Variants in MIPOL1 observed in about 807,000 individuals in gnomAD.
MIPOL1 encodes the protein mirror-image polydactyly 1.
A neutral mutation model predicts 60.9 loss-of-function variants in MIPOL1; 57 were observed. The ratio of observed to expected loss-of-function variants is 0.94; its 90% CI spans 0.76 to 1.17. The LOEUF (loss-of-function observed/expected upper bound fraction) is 1.17, where lower values mean the gene tolerates loss of function less well. Among genes scored for constraint, MIPOL1 ranks in the 50% most tolerant of loss-of-function variants. The probability of loss-of-function intolerance (pLI) is 0.00; values close to 1 mark genes in which losing one functional copy is unlikely to be tolerated. For missense variants in MIPOL1, 551 were observed against 511.6 expected (o/e 1.08, Z -0.74); for synonymous variants, 179 against 168.8 (o/e 1.06, Z -0.47).
intron 1 of MIPOL1, among the ~76,000 whole-genome samples, chr14:37,219,128 A>T (rs1343841444): frequency 6.6e-6 from 1 of 152,116 alleles, no homozygotes; most frequent in African/African-American, 2.4e-5. Context: ...GAAAGTTACT[A>T]ACAGGAATCA....
At chr14:37,334,326 A>G (rs1257151124) in intron 9 of MIPOL1, among the ~76,000 whole-genome samples, 2 of 151,964 alleles carry the variant, frequency 1.3e-5, no homozygotes, top group East Asian at 1.9e-4. Context: ...TGAGACCTCG[A>G]CTGTTCAGAC....
At chr14:37,333,578 T>C (rs117893120) in intron 9 of MIPOL1, among the ~76,000 whole-genome samples, 2,289 of 152,150 alleles carry the variant, frequency 0.015, 26 homozygotes, top group Non-Finnish European at 0.022. Flanking sequence ...GAGCTATAAA[T>C]ATAAGAAAGT....
chr14:37,307,325 T>C (rs1473363179), intron 7 of MIPOL1, among the ~76,000 whole-genome samples: 8 of 152,128 alleles, frequency 5.3e-5, no homozygotes, highest in South Asian at 2.1e-4. Flanking sequence ...AATTATATTA[T>C]AGACATTTTG....
In MIPOL1 at chr14:37,430,453, A is replaced by G. The variant is rs543973977; in HGVS notation, c.1031+7504A>G. Among the ~76,000 whole-genome samples the G allele has an allele frequency of 8.6e-5, 13 of 151,806 alleles. No individual in the cohort carries two copies. In the South Asian group the frequency reaches 2.7e-3, roughly 31 times the overall value. On this transcript the variant is annotated intron_variant, in intron 11 of 12. Transcript: ENST00000684589. ...CTTCACTGTTCAAGTCACTATATAT[A>G]TATTTATTGGTGACTCTGGAATGTA...
chr14:37,432,986 G>A (rs2094100844), intron 11 of MIPOL1, among the ~76,000 whole-genome samples: 1 of 152,178 alleles, frequency 6.6e-6, no homozygotes, highest in Non-Finnish European at 1.5e-5. Context: ...AAACAATTGT[G>A]GGGCCTGGCA....
intron 9 of MIPOL1, among the ~76,000 whole-genome samples, chr14:37,346,571 C>T (rs1412243750): frequency 6.6e-6 from 1 of 152,082 alleles, no homozygotes; most frequent in East Asian, 1.9e-4. Flanking sequence ...CAAACATACA[C>T]ACACAGCCTT....
intron 9 of MIPOL1, among the ~76,000 whole-genome samples, chr14:37,342,786 G>A (rs1340423358): frequency 6.6e-6 from 1 of 152,012 alleles, no homozygotes; most frequent in Non-Finnish European, 1.5e-5. Flanking sequence ...TAATAGCACA[G>A]CTTACTAAAT....
chr14:37,374,222 A>G (rs576014275), intron 10 of MIPOL1, among the ~76,000 whole-genome samples: 9 of 151,950 alleles, frequency 5.9e-5, no homozygotes, highest in African/African-American at 2.2e-4. Flanking sequence ...CCACTTTTTG[A>G]TGGGGTTGTT....
Position 37,547,068 on chromosome 14 carries a change from A to G in MIPOL1, c.*97A>G. On this transcript the variant is annotated 3_prime_UTR_variant, in exon 13 of 13. Coordinates refer to ENST00000684589, the MANE Select transcript of MIPOL1 (RefSeq NM_001388067.1). ...ACACCAAAGCCTTAACTTAGCAAAC[A>G]GTTGTTAGAAGTGGGACACTCCAAC... 1.0e-6 allele frequency: 1 copy of G among 984,238 alleles called. No individual in the cohort carries two copies. The highest frequency in any genetic ancestry group is 1.6e-6 in the Non-Finnish European group (1 of 636,086). 61.0% of individuals were successfully genotyped at this position (984,238 alleles called of 1,614,324 possible).
At chr14:37,254,981 A>G (rs990531823) in intron 3 of MIPOL1, among the ~76,000 whole-genome samples, 8 of 151,872 alleles carry the variant, frequency 5.3e-5, no homozygotes, top group Non-Finnish European at 5.9e-5. Context: ...CATGAAAACA[A>G]GATTTTTTTC....
chr14:37,493,588 TG>T (rs2095076629), intron 11 of MIPOL1, among the ~76,000 whole-genome samples: 1 of 152,198 alleles, frequency 6.6e-6, no homozygotes, highest in Non-Finnish European at 1.5e-5. Flanking sequence ...GCTTATTTGA[TG>T]TGAATTAGAA....
chr14:37,368,216 T>G (rs1051794908), intron 9 of MIPOL1, among the ~76,000 whole-genome samples: 1 of 152,104 alleles, frequency 6.6e-6, no homozygotes, highest in African/African-American at 2.4e-5. Context: ...TATTTATTTT[T>G]AAGTGTGTTT....
intron 1 of MIPOL1, among the ~76,000 whole-genome samples, chr14:37,222,417 G>A (rs7143872): frequency 4.0e-5 from 6 of 149,900 alleles, no homozygotes; most frequent in South Asian, 2.1e-4. Context: ...TTATTATAGA[G>A]GTTATAGCTC....
At chr14:37,503,683 A>T (rs2095247197) in intron 12 of MIPOL1, 1 of 152,214 alleles carries the variant, frequency 6.6e-6, no homozygotes, top group Non-Finnish European at 1.5e-5. Flanking sequence ...CGATGCTAGG[A>T]AAAAACTGCA....
chr14:37,356,606 A>C (rs985902548), intron 9 of MIPOL1, among the ~76,000 whole-genome samples: 8 of 152,078 alleles, frequency 5.3e-5, no homozygotes, highest in African/African-American at 1.7e-4. Flanking sequence ...ATATAATCTC[A>C]TGGTGAGCTG....
intron 10 of MIPOL1, among the ~76,000 whole-genome samples, chr14:37,372,187 A>T (rs913424884): frequency 6.6e-6 from 1 of 152,086 alleles, no homozygotes; most frequent in Admixed American, 6.6e-5. Flanking sequence ...TGAAATTCCT[A>T]AAGGAATTTC....
At chr14:37,346,484 A>T (rs1177141313) in intron 9 of MIPOL1, among the ~76,000 whole-genome samples, 2 of 152,150 alleles carry the variant, frequency 1.3e-5, no homozygotes, top group Non-Finnish European at 2.9e-5. Context: ...AAACAGCTTT[A>T]TTATTTTTAT....
chr14:37,314,350 A>G (rs1216245142), intron 9 of MIPOL1, among the ~76,000 whole-genome samples: 1 of 152,178 alleles, frequency 6.6e-6, no homozygotes, highest in African/African-American at 2.4e-5. Flanking sequence ...TTACCAATAT[A>G]GGCTGCAAGC....
At chr14:37,317,780 C>T (rs2088084995) in intron 9 of MIPOL1, among the ~76,000 whole-genome samples, 1 of 152,106 alleles carries the variant, frequency 6.6e-6, no homozygotes, top group South Asian at 2.1e-4. Flanking sequence ...TTAGTGATTT[C>T]CAGATATTTT....
Sources: gnomAD v4.1 joint callset for allele counts (sites outside exome capture counted in the v4.1 genomes callset) on GRCh38, gnomAD v4.1.1 for gene constraint, MANE v1.5 for transcripts, NCBI Gene and HGNC (gene_info 2026-07-23, HGNC 2026-07-21) for gene names.